DPP10: variants seen among roughly 807,000 people sequenced by gnomAD.
DPP10 encodes the protein dipeptidyl peptidase like 10, also known as inactive dipeptidyl peptidase 10.
DPP10 carries 33 observed loss-of-function variants against 120.9 expected under a neutral mutation model. The ratio of observed to expected loss-of-function variants is 0.27; its 90% CI spans 0.21 to 0.37. The LOEUF (loss-of-function observed/expected upper bound fraction) is 0.37. Ranked by LOEUF, DPP10 falls within the 10% of genes least tolerant of loss-of-function variation. The pLI is 1.00. For missense variants in DPP10, 816 were observed against 942.8 expected, an observed-to-expected ratio of 0.87 and a Z score of 1.76; for synonymous variants, 337 against 326.1, an observed-to-expected ratio of 1.03 and a Z score of -0.36.
chr2:115,018,021 AAAAC>A (rs1407068650), intron 1 of DPP10, among the ~76,000 whole-genome samples: 2 of 152,036 alleles, frequency 1.3e-5, no homozygotes, highest in East Asian at 1.9e-4. Flanking sequence ...AAAAAAGAGA[AAAAC>A]AACCCCATCT....
At chr2:115,469,884 G>GGA (rs1558709609) in intron 3 of DPP10, among the ~76,000 whole-genome samples, 10 of 75,568 alleles carry the variant, frequency 1.3e-4, no homozygotes, top group Admixed American at 4.9e-4. Flanking sequence ...GGCAACAAGA[G>GGA]AAAAAAAAAA....
At chr2:115,195,794 C>T (rs557728420) in intron 1 of DPP10, among the ~76,000 whole-genome samples, 20 of 152,172 alleles carry the variant, frequency 1.3e-4, no homozygotes, top group African/African-American at 4.6e-4. Flanking sequence ...CATTGTATTT[C>T]GGGACACTCT....
intron 3 of DPP10, among the ~76,000 whole-genome samples, chr2:115,370,597 T>G (rs1024244734): frequency 3.3e-5 from 5 of 152,126 alleles, no homozygotes; most frequent in Non-Finnish European, 5.9e-5. Flanking sequence ...AATGGAAGGA[T>G]AGTTTTTAAC....
chr2:115,384,451 A>G (rs527524963), intron 3 of DPP10, among the ~76,000 whole-genome samples: 1 of 47,490 alleles, frequency 2.1e-5, no homozygotes, highest in Admixed American at 2.5e-4. Flanking sequence ...AGGAGGAAGA[A>G]GAAGAAGGAA....
rs552737076 is a variant in DPP10 at position 115,562,450 on chromosome 2, G to T, written c.441+36478G>T. On this transcript the variant is annotated intron_variant, in intron 5 of 25. Transcript: ENST00000410059. Reference sequence around the variant, plus strand: ...ATCACTCTTATCAGCATCCCCCTAAGATCAATCATGATTCCAAAAGTTCCA... The same window carrying T: ...ATCACTCTTATCAGCATCCCCCTAATATCAATCATGATTCCAAAAGTTCCA... Among the ~76,000 whole-genome samples the T allele has an allele frequency of 2.0e-4, 31 of 152,178 alleles. 1 individual carries two copies. In the South Asian group the frequency reaches 6.4e-3, roughly 32 times the overall value.
chr2:115,761,230 C>T (rs1158585022), intron 11 of DPP10, among the ~76,000 whole-genome samples: 1 of 151,516 alleles, frequency 6.6e-6, no homozygotes, highest in East Asian at 1.9e-4. Context: ...CATAATGAGA[C>T]ACCATCTTAT....
chr2:115,001,665 C>T (rs148430300), intron 1 of DPP10, among the ~76,000 whole-genome samples: 76 of 152,268 alleles, frequency 5.0e-4, no homozygotes, highest in Admixed American at 1.4e-3. Context: ...CTCCCAAGCT[C>T]TTTGCTCTGA....
intron 1 of DPP10, among the ~76,000 whole-genome samples, chr2:115,296,085 G>GC (rs886866811): frequency 6.6e-6 from 1 of 152,058 alleles, no homozygotes; most frequent in African/African-American, 2.4e-5. Flanking sequence ...TGTCTTTGTG[G>GC]CCCCCAGCTT....
chr2:114,443,798 A>G (rs1303787431), intron 1 of DPP10, among the ~76,000 whole-genome samples: 1 of 151,638 alleles, frequency 6.6e-6, no homozygotes, highest in Non-Finnish European at 1.5e-5. Flanking sequence ...ACCTTTTGCT[A>G]CTATTCCTGA....
intron 1 of DPP10, among the ~76,000 whole-genome samples, chr2:114,869,178 G>A (rs1299251645): frequency 2.0e-5 from 3 of 151,960 alleles, no homozygotes; most frequent in Admixed American, 6.6e-5. Context: ...CAGCCATTAC[G>A]AACTACGAAA....
At chr2:114,704,669 G>A (rs1700581043) in intron 1 of DPP10, among the ~76,000 whole-genome samples, 1 of 152,156 alleles carries the variant, frequency 6.6e-6, no homozygotes, top group Non-Finnish European at 1.5e-5. Flanking sequence ...TTAGGTAAGT[G>A]TGTACAGGTG....
At chr2:114,757,760 CTG>C (rs1679918459) in intron 1 of DPP10, among the ~76,000 whole-genome samples, 1 of 152,186 alleles carries the variant, frequency 6.6e-6, no homozygotes, top group African/African-American at 2.4e-5. Context: ...ACCAGCAACT[CTG>C]GGGTTAGGGC....
chr2:114,631,295 C>A (rs542509195), intron 1 of DPP10, among the ~76,000 whole-genome samples: 1 of 152,114 alleles, frequency 6.6e-6, no homozygotes, highest in South Asian at 2.1e-4. Flanking sequence ...CACATTTGAC[C>A]CACTGTGAGT....
intron 1 of DPP10, among the ~76,000 whole-genome samples, chr2:114,760,333 A>G (rs1318387551): frequency 1.3e-5 from 2 of 152,128 alleles, no homozygotes; most frequent in East Asian, 1.9e-4. Context: ...CCCCCAGCCA[A>G]TTAATTAACA....
chr2:114,820,212 A>G (rs1448648287), intron 1 of DPP10, among the ~76,000 whole-genome samples: 1 of 152,168 alleles, frequency 6.6e-6, no homozygotes, highest in Admixed American at 6.5e-5. Flanking sequence ...AACCTCAACA[A>G]CATCTCATGA....
chr2:115,279,646 T>C (rs913617862), intron 1 of DPP10, among the ~76,000 whole-genome samples: 30 of 141,702 alleles, frequency 2.1e-4, no homozygotes, highest in South Asian at 6.7e-4. Context: ...TCTTTCTTTT[T>C]TTCTTCTTCT....
At chr2:114,632,500 A>AG (rs1256593273) in intron 1 of DPP10, among the ~76,000 whole-genome samples, 1 of 111,658 alleles carries the variant, frequency 9.0e-6, no homozygotes, top group African/African-American at 3.5e-5. Context: ...CTATGGACTT[A>AG]GGGTTTTTTT....
At chr2:115,279,471 A>G (rs7593763) in intron 1 of DPP10, among the ~76,000 whole-genome samples, 151,262 of 152,100 alleles carry the variant, frequency 0.99, 75,217 homozygotes, top group East Asian at 1. Context: ...ACCCAATAAG[A>G]AGCTGGCTCC....
rs1036109045 is a variant in DPP10 at position 115,189,341 on chromosome 2, G to C, written c.61-119898G>C. 3.9e-5 allele frequency among the ~76,000 whole-genome samples: 6 copies of C among 152,140 alleles called. No individual in the cohort carries two copies. The East Asian group carries it at 7.7e-4, about 20-fold the overall frequency. Reference sequence around the variant, plus strand: ...GGCAGGAAGGATGGTTACAGAACAGGTGACTCAGGATGAGCCGGGACAGAG... The same window carrying C: ...GGCAGGAAGGATGGTTACAGAACAGCTGACTCAGGATGAGCCGGGACAGAG... On this transcript the variant is annotated intron_variant, in intron 1 of 25. Coordinates refer to ENST00000410059, the MANE Select transcript of DPP10 (RefSeq NM_020868.6).
Sources: gnomAD v4.1 joint callset for allele counts (sites outside exome capture counted in the v4.1 genomes callset) on GRCh38, gnomAD v4.1.1 for gene constraint, MANE v1.5 for transcripts, NCBI Gene and HGNC (gene_info 2026-07-23, HGNC 2026-07-21) for gene names.